Variants in FANCI observed in about 807,000 individuals in gnomAD.
FANCI encodes the protein Fanconi anemia group I protein.
FANCI carries 156 observed loss-of-function variants against 176.1 expected under a neutral mutation model. The ratio of observed to expected loss-of-function variants is 0.89; its 90% CI spans 0.78 to 1.01. The LOEUF (loss-of-function observed/expected upper bound fraction) is 1.01, where lower values mean the gene tolerates loss of function less well. Among genes scored for constraint, FANCI ranks in the 50% least tolerant of loss-of-function variants. FANCI has a pLI of 0.00. For missense variants in FANCI, 1,678 were observed against 1,534.1 expected (o/e 1.09, Z -1.57); for synonymous variants, 613 against 541.7 (o/e 1.13, Z -1.83).
chr15:89,313,968 T>C (rs1482815539), intron 35 of FANCI, among the ~76,000 whole-genome samples: 4 of 117,682 alleles, frequency 3.4e-5, no homozygotes, highest in Non-Finnish European at 7.0e-5. Context: ...GGGAAAGATA[T>C]ATAATCACAC....
chr15:89,310,609 A>G (rs2054916866), intron 34 of FANCI, among the ~76,000 whole-genome samples: 1 of 152,212 alleles, frequency 6.6e-6, no homozygotes, highest in Non-Finnish European at 1.5e-5. Context: ...TGTGAGATGT[A>G]TTTAATGAGT....
rs2053427254 is a variant in FANCI, at chr15:89,276,789, G to C, written c.1191G>C (p.Lys397Asn). The change falls in exon 13 of 38, where the codon AAG becomes AAC. Residue 397 changes from lysine (K) to asparagine (N), a missense_variant. Physicochemically the swap from Lys to Asn is moderately conservative, Grantham distance 94. This residue lies in a region of FANCI where 5 missense variants were observed against 19.8 expected (regional missense o/e 0.25). Coordinates refer to ENST00000310775, the MANE Select transcript of FANCI (RefSeq NM_001113378.2). ...FILMDSYGPKKVLDGKTIETS... is the reference protein window; with the variant it reads ...FILMDSYGPKNVLDGKTIETS... Reference sequence around the variant, plus strand: ...TGATGGATTCATATGGGCCAAAGAAGGTTCTTGATGGAAAAACTATTGAAA... The same window carrying C: ...TGATGGATTCATATGGGCCAAAGAACGTTCTTGATGGAAAAACTATTGAAA... 6.2e-7 allele frequency: 1 copy of C among 1,614,040 alleles called. No homozygotes were observed.
intron 2 of FANCI, among the ~76,000 whole-genome samples, chr15:89,253,428 C>T (rs566989189): frequency 2.0e-5 from 3 of 152,128 alleles, no homozygotes; most frequent in South Asian, 2.1e-4. Context: ...GTGGGAAGAT[C>T]GCTTGAGCCA....
chr15:89,309,774 A>G (rs745691498), intron 34 of FANCI, among the ~76,000 whole-genome samples: 23 of 152,250 alleles, frequency 1.5e-4, no homozygotes, highest in Non-Finnish European at 2.5e-4. Flanking sequence ...AGTAGTTTTC[A>G]GACCTATTCA....
At position 89,278,699 on chromosome 15, in the gene FANCI, A is replaced by G. The variant is rs771857940; in HGVS notation, c.1306A>G (p.Ile436Val). The change falls in exon 14 of 38, where the codon ATC becomes GTC. Residue 436 changes from isoleucine (I) to valine (V), a missense_variant. Coordinates refer to ENST00000310775, the MANE Select transcript of FANCI (RefSeq NM_001113378.2). ...LLETFKIHEM[I>V]RQEILEQVLN... ...CTGTTCTTTTTAGATCCATGAGATG[A>G]TCAGACAAGAAATTTTGGAGCAGGT... 1.9e-6 allele frequency: 3 copies of G among 1,613,544 alleles called. No individual in the cohort carries two copies. In the South Asian group the frequency reaches 3.3e-5, roughly 18 times the overall value.
intron 2 of FANCI, among the ~76,000 whole-genome samples, chr15:89,256,548 C>T (rs934307313): frequency 1.3e-5 from 2 of 149,806 alleles, no homozygotes; most frequent in African/African-American, 4.9e-5. Flanking sequence ...ATGTTATTGA[C>T]TTCACTTTCT....
At chr15:89,274,599 CTTT>C (rs1157910630) in intron 12 of FANCI, among the ~76,000 whole-genome samples, 11 of 82,808 alleles carry the variant, frequency 1.3e-4, no homozygotes, top group Admixed American at 4.7e-4. Context: ...TCTTTCTTTC[CTTT>C]TTTTTTTTTT....
rs1291668510 is a variant in FANCI at position 89,317,005 on chromosome 15, T to TTAGA, written c.*549_*552dup. On this transcript the variant is annotated 3_prime_UTR_variant, in exon 38 of 38. Transcript: ENST00000310775. ...TGTTTTCTTTTTATATAAGTGTGTC[T>TTAGA]TAGATATATTTTAAATAGAAAATAA... 1 of 625,110 alleles carries TTAGA rather than the reference T, an allele frequency of 1.6e-6. No individual in the cohort carries two copies. The highest frequency in any genetic ancestry group is 2.8e-5 in the East Asian group (1 of 36,102). 38.7% of individuals were successfully genotyped at this position (625,110 alleles called of 1,614,324 possible). A position where few individuals can be genotyped will look rare whatever the true frequency, so the allele number is the denominator to read the frequency against.
intron 37 of FANCI, among the ~76,000 whole-genome samples, chr15:89,315,743 C>T (rs1318617711): frequency 2.6e-5 from 4 of 152,200 alleles, no homozygotes; most frequent in African/African-American, 9.6e-5. Flanking sequence ...CATTCAAAGG[C>T]CACTCATTAG....
intron 27 of FANCI, 76 bp downstream of exon 27, chr15:89,301,518 C>G: frequency 1.0e-6 from 1 of 983,516 alleles, no homozygotes. Flanking sequence ...AAGTGTATAT[C>G]TAAATGTCCT....
intron 16 of FANCI, 135 bp downstream of exon 16, chr15:89,281,970 A>T (rs761289875): frequency 3.7e-6 from 3 of 821,082 alleles, no homozygotes; most frequent in Non-Finnish European, 6.2e-6. Flanking sequence ...AATTTCATCA[A>T]ATAAGGCATT....
intron 34 of FANCI, chr15:89,307,960 G>T (rs574724248): frequency 7.7e-7 from 1 of 1,300,288 alleles, no homozygotes; most frequent in South Asian, 1.6e-5. Context: ...TTTATTCCTG[G>T]GTGACTGAAA....
chr15:89,299,342 T>A (rs113830005), intron 24 of FANCI, among the ~76,000 whole-genome samples: 77 of 152,302 alleles, frequency 5.1e-4, no homozygotes, highest in African/African-American at 1.9e-3. Context: ...TAATGTAAAT[T>A]CTGTGCAAAT....
Position 89,259,924 on chromosome 15 carries a change from TATA to T in FANCI, c.158-785_158-783del, listed in dbSNP as rs2052645260. Reference sequence around the variant, plus strand: ...TAAGTTGTATCTATTTTCTGGCCATTATAATACTACTATGAACATTTGTGTATA... The same window carrying T: ...TAAGTTGTATCTATTTTCTGGCCATTATACTACTATGAACATTTGTGTATA... On this transcript the variant is annotated intron_variant, in intron 3 of 37. Transcript: ENST00000310775. Among the ~76,000 whole-genome samples the T allele has an allele frequency of 2.6e-5, 4 of 152,362 alleles. No individual in the cohort carries two copies. In the South Asian group the frequency reaches 8.3e-4, roughly 32 times the overall value.
At chr15:89,284,688 C>G (rs1042875049) in intron 17 of FANCI, among the ~76,000 whole-genome samples, 1 of 152,146 alleles carries the variant, frequency 6.6e-6, no homozygotes, top group Non-Finnish European at 1.5e-5. Context: ...CATTTCTAAA[C>G]AAAAGACTGT....
intron 16 of FANCI, 148 bp from the exon 17 acceptor site, chr15:89,282,988 T>C (rs2151577423): frequency 6.3e-6 from 5 of 787,914 alleles, no homozygotes; most frequent in Middle Eastern, 4.8e-4. Context: ...GATACCTTAT[T>C]TTGAGTACAT....
chr15:89,291,485 T>C, intron 19 of FANCI, 128 bp from the exon 20 acceptor site: 1 of 774,396 alleles, frequency 1.3e-6, no homozygotes, highest in Middle Eastern at 2.6e-4. Flanking sequence ...TTGGCTGCAT[T>C]GTTCTTTGAA....
At chr15:89,258,411 C>A (rs1051963792) in intron 2 of FANCI, among the ~76,000 whole-genome samples, 1 of 152,090 alleles carries the variant, frequency 6.6e-6, no homozygotes, top group Non-Finnish European at 1.5e-5. Flanking sequence ...TTATAACATG[C>A]CTAAGGAAAA....
At chr15:89,280,000 C>CT (rs747450459) in intron 14 of FANCI, among the ~76,000 whole-genome samples, 2 of 151,970 alleles carry the variant, frequency 1.3e-5, no homozygotes, top group Admixed American at 1.3e-4. Context: ...TCAATATGTT[C>CT]TTTAGTAAAT....
Sources: allele counts gnomAD v4.1 joint callset (sites outside exome capture counted in the v4.1 genomes callset), GRCh38; gene constraint gnomAD v4.1.1; regional missense constraint gnomAD v4.1.1; transcripts MANE v1.5; gene names NCBI Gene and HGNC (gene_info 2026-07-23, HGNC 2026-07-21).